The following ZNF487 variants were observed in gnomAD, a reference collection of about 807,000 sequenced individuals.
ZNF487 encodes KRAB domain only 1.
In ZNF487, 4 loss-of-function variants were observed where a neutral mutation model predicts 3.0. That is an observed-to-expected ratio of 1.35 (90% CI 0.66 to 3.08). The LOEUF is 3.08. ZNF487 is among the 30% of genes most tolerant of loss of function. ZNF487 has a pLI of 0.01. For synonymous variants in ZNF487, 55 were observed against 34.6 expected (o/e 1.59, Z -2.06); for missense variants, 146 against 98.7 (o/e 1.48, Z -2.03).
Position 43,483,128 on chromosome 10 carries a change from A to C in ZNF487, c.*1206A>C, listed in dbSNP as rs766228229. 1 of 456,252 alleles carries C rather than the reference A, an allele frequency of 2.2e-6. No homozygotes were observed. The highest frequency in any genetic ancestry group is 1.5e-5 in the South Asian group (1 of 64,538). The allele number at this position is 456,252 out of a possible 1,614,324, so 28.3% of individuals were successfully genotyped here. ...CTTCTTGGACTCGTTCCATAGCAGA[A>C]ACAACCCAGGTTGGGGTGAGAACAC... On this transcript the variant is annotated 3_prime_UTR_variant, in exon 4 of 4. Transcript: ENST00000437590.
chr10:43,522,267 A>T, the ZNF487 span, among the ~76,000 whole-genome samples: 1 of 152,078 alleles, frequency 6.6e-6, no homozygotes, highest in Non-Finnish European at 1.5e-5. Context: ...CTGTAATCCC[A>T]GCACTTTGGA....
rs769859463 is a variant in ZNF487, at chr10:43,482,591, A to G, written c.*669A>G. 5.9e-6 allele frequency: 3 copies of G among 507,442 alleles called. No homozygotes were observed. The highest frequency in any genetic ancestry group is 1.9e-5 in the African/African-American group (1 of 51,370). 31.4% of individuals were successfully genotyped at this position (507,442 alleles called of 1,614,324 possible). A position where few individuals can be genotyped will look rare whatever the true frequency, so the allele number is the denominator to read the frequency against. ...GAGAGAAACCCTATGGATGTAATGA[A>G]TGTCAGAAAGCCTTTGGTGATAGGT... On this transcript the variant is annotated 3_prime_UTR_variant, in exon 4 of 4. Coordinates refer to ENST00000437590, the MANE Select transcript of ZNF487 (RefSeq NM_001355444.3).
At chr10:43,509,446 G>A in the ZNF487 span, among the ~76,000 whole-genome samples, 215 of 106,924 alleles carry the variant, frequency 2.0e-3, no homozygotes, top group African/African-American at 7.5e-3. Context: ...TAGAGGGACA[G>A]AACTAATGGA....
the ZNF487 span, among the ~76,000 whole-genome samples, chr10:43,514,024 G>A: frequency 6.6e-6 from 1 of 152,164 alleles, no homozygotes; most frequent in African/African-American, 2.4e-5. Context: ...ATGTAGTAGG[G>A]TTCTTCCTCA....
chr10:43,469,876 G>A (rs1840842294), intron 1 of ZNF487, among the ~76,000 whole-genome samples: 1 of 151,894 alleles, frequency 6.6e-6, no homozygotes, highest in South Asian at 2.1e-4. Context: ...CTTGAACCCA[G>A]GAGGCAGAGG....
the ZNF487 span, among the ~76,000 whole-genome samples, chr10:43,490,983 C>CCT: frequency 7.5e-6 from 1 of 132,544 alleles, no homozygotes; most frequent in African/African-American, 3.1e-5. Context: ...CTTTTTTTTT[C>CCT]TTTTTTTTTT....
the ZNF487 span, among the ~76,000 whole-genome samples, chr10:43,517,829 A>G: frequency 1.3e-5 from 2 of 152,098 alleles, no homozygotes; most frequent in African/African-American, 2.4e-5. Flanking sequence ...GGCAAATACC[A>G]TGGTACTGGA....
intron 3 of ZNF487, among the ~76,000 whole-genome samples, chr10:43,477,820 C>T (rs560924999): frequency 2.6e-4 from 40 of 151,850 alleles, no homozygotes; most frequent in Admixed American, 9.8e-4. Flanking sequence ...GGTGTGGTGG[C>T]GGATGCCTGT....
intron 1 of ZNF487, among the ~76,000 whole-genome samples, chr10:43,450,601 C>T (rs1457513127): frequency 2.0e-5 from 3 of 151,104 alleles, no homozygotes; most frequent in African/African-American, 7.3e-5. Context: ...CTGCCCGCCT[C>T]GGCCTCCCAA....
Position 43,457,638 on chromosome 10 carries a change from C to T in ZNF487, c.-93-18083C>T, listed in dbSNP as rs377146078. On this transcript the variant is annotated intron_variant, in intron 1 of 3. Coordinates refer to ENST00000437590, the MANE Select transcript of ZNF487 (RefSeq NM_001355444.3). The stretch of plus-strand genomic sequence containing the variant: ...GCGCGAGTTGGAGGTTGCAGTGAGC[C>T]GAGATCACACCACTGCACTCCAGCC... Among the ~76,000 whole-genome samples, 5 of 151,214 alleles carry T rather than the reference C, an allele frequency of 3.3e-5. No homozygotes were observed. The East Asian group carries it at 7.8e-4, about 24-fold the overall frequency.
chr10:43,508,060 A>T, the ZNF487 span, among the ~76,000 whole-genome samples: 1 of 152,184 alleles, frequency 6.6e-6, no homozygotes, highest in African/African-American at 2.4e-5. Flanking sequence ...CCGAGCCTCC[A>T]TTGCAAGAAA....
chr10:43,455,876 T>C (rs1267274979), intron 1 of ZNF487, among the ~76,000 whole-genome samples: 5 of 152,204 alleles, frequency 3.3e-5, no homozygotes, highest in African/African-American at 1.2e-4. Context: ...ACGGGGACGC[T>C]TCGCGCTCCA....
the ZNF487 span, among the ~76,000 whole-genome samples, chr10:43,493,173 TGAGCTGA>T: frequency 1.3e-5 from 2 of 152,174 alleles, no homozygotes; most frequent in African/African-American, 2.4e-5. Context: ...GAGGTTGCGG[TGAGCTGA>T]GATTGCTCCA....
the ZNF487 span, among the ~76,000 whole-genome samples, chr10:43,502,692 C>T: frequency 6.6e-6 from 1 of 152,064 alleles, no homozygotes; most frequent in Admixed American, 6.6e-5. Flanking sequence ...TATGTATTTA[C>T]TATACATTTT....
chr10:43,472,085 A>G (rs1840927490), intron 1 of ZNF487, among the ~76,000 whole-genome samples: 1 of 152,112 alleles, frequency 6.6e-6, no homozygotes, highest in Non-Finnish European at 1.5e-5. Flanking sequence ...TCCATTTGTT[A>G]TCACTTGTAC....
the ZNF487 span, among the ~76,000 whole-genome samples, chr10:43,491,157 AGAGACGGGGTTTC>A: frequency 4.0e-5 from 6 of 150,886 alleles, no homozygotes; most frequent in East Asian, 1.2e-3. Context: ...TATTTTTAGT[AGAGACGGGGTTTC>A]ACCATGTTGG....
intron 1 of ZNF487, chr10:43,452,449 T>G (rs1451636068): frequency 6.6e-6 from 1 of 152,258 alleles, no homozygotes; most frequent in Non-Finnish European, 1.5e-5. Context: ...TCACCCAGGC[T>G]GGCGTGCAGG....
At chr10:43,460,004 G>A (rs974542075) in intron 1 of ZNF487, among the ~76,000 whole-genome samples, 2 of 151,526 alleles carry the variant, frequency 1.3e-5, no homozygotes, top group Non-Finnish European at 2.9e-5. Flanking sequence ...GGGTTTCACC[G>A]TGTCAGCCAG....
intron 1 of ZNF487, among the ~76,000 whole-genome samples, chr10:43,470,306 T>C (rs1840859496): frequency 6.6e-6 from 1 of 151,474 alleles, no homozygotes; most frequent in Non-Finnish European, 1.5e-5. Context: ...TTGAGCTCCC[T>C]GGGCTTCGGT....
Sources: gnomAD v4.1 joint callset for allele counts (sites outside exome capture counted in the v4.1 genomes callset) on GRCh38, gnomAD v4.1.1 for gene constraint, MANE v1.5 for transcripts, NCBI Gene and HGNC (gene_info 2026-07-23, HGNC 2026-07-21) for gene names.